The following SIK2 variants were observed in gnomAD, a reference collection of about 807,000 sequenced individuals.
The protein encoded by SIK2 is serine/threonine-protein kinase SIK2.
In SIK2, 29 loss-of-function variants were observed where a neutral mutation model predicts 103.2. The observed-to-expected ratio is 0.28, with a 90% CI of 0.21 to 0.38. The LOEUF (loss-of-function observed/expected upper bound fraction) is 0.38, where lower values mean the gene tolerates loss of function less well. SIK2 is among the 10% of genes least tolerant of loss of function. SIK2 has a pLI of 1.00. For synonymous variants in SIK2, 412 were observed against 446.1 expected (o/e 0.92, Z 0.96); for missense variants, 879 against 1,171.0 (o/e 0.75, Z 3.64).
At chr11:111,709,336 G>T (rs1943435500) in intron 8 of SIK2, among the ~76,000 whole-genome samples, 1 of 152,200 alleles carries the variant, frequency 6.6e-6, no homozygotes. Context: ...TCAAGGCCCT[G>T]TCTCCAGATA....
At chr11:111,652,488 A>G (rs1176411904) in intron 3 of SIK2, among the ~76,000 whole-genome samples, 2 of 152,132 alleles carry the variant, frequency 1.3e-5, no homozygotes, top group East Asian at 1.9e-4. Context: ...TACCACTCCA[A>G]TTTTGAGCAA....
chr11:111,726,933 A>AT lies in SIK2; in HGVS notation c.*2810dup, dbSNP rs756605426. 8 of 1,605,614 alleles carry AT rather than the reference A, an allele frequency of 5.0e-6. No individual in the cohort carries two copies. The highest frequency in any genetic ancestry group is 6.8e-6 in the Non-Finnish European group (8 of 1,172,638). On this transcript the variant is annotated 3_prime_UTR_variant, in exon 15 of 15. Coordinates refer to ENST00000304987, the MANE Select transcript of SIK2 (RefSeq NM_015191.3). ...AAAAGTGCAATATGTGTGGTACTTTATTTTTTATGTTCTTTTTTTAAATCT... is the reference window on the plus strand; with the variant it reads ...AAAAGTGCAATATGTGTGGTACTTTATTTTTTTATGTTCTTTTTTTAAATCT...
rs1307957206 is a variant in SIK2 at position 111,725,111 on chromosome 11, G to A, written c.*982G>A. ...TTTGGACAGTTTCATATAGGGCTTA[G>A]AGATTTTAAGGACATGATAAATGAA... On this transcript the variant is annotated 3_prime_UTR_variant, in exon 15 of 15. Transcript: ENST00000304987. The A allele has an allele frequency of 1.3e-5, 2 of 152,672 alleles. No individual in the cohort carries two copies. The highest frequency in any genetic ancestry group is 2.9e-5 in the Non-Finnish European group (2 of 68,046). 9.5% of individuals were successfully genotyped at this position (152,672 alleles called of 1,614,324 possible).
In SIK2 at chr11:111,701,393, A is replaced by G; in HGVS notation, c.604-59A>G. 1.3e-6 allele frequency: 2 copies of G among 1,572,956 alleles called. No individual in the cohort carries two copies. Among genetic ancestry groups the G allele is most frequent in the Non-Finnish European group, 1.7e-6 (2 of 1,154,486 alleles). Reference sequence around the variant, plus strand: ...TTCAAGAGCCCTGGGGATGTTCAGGAAAACAAAGAGTGTTTGACGTTCTTG... The same window carrying G: ...TTCAAGAGCCCTGGGGATGTTCAGGGAAACAAAGAGTGTTTGACGTTCTTG... On this transcript the variant is annotated intron_variant, in intron 5 of 14. Coordinates refer to ENST00000304987, the MANE Select transcript of SIK2 (RefSeq NM_015191.3). The surrounding 1 kb of genome is among the most constrained non-coding windows in gnomAD (Gnocchi z 4.2).
At chr11:111,660,340 G>A (rs1397918008) in intron 3 of SIK2, among the ~76,000 whole-genome samples, 2 of 152,146 alleles carry the variant, frequency 1.3e-5, no homozygotes, top group African/African-American at 4.8e-5. Context: ...CATATGCACC[G>A]TGTATAAGCT....
Position 111,602,582 on chromosome 11 carries a change from C to G in SIK2, c.19C>G (p.Pro7Ala), listed in dbSNP as rs1447291342. ...GCCCAGCATGGTCATGGCGGATGGC[C>G]CGAGGCACTTGCAGCGCGGGCCGGT... MVMADG[P>A]RHLQRGPVRV... The change falls in exon 1 of 15, where the codon CCG becomes GCG. Residue 7 changes from proline (P) to alanine (A), a missense_variant. Pro to Ala is a conservative substitution (Grantham distance 27). Around this residue, in one of 7 missense-constraint regions of SIK2, gnomAD observed 47 missense variants for 43.9 expected, o/e 1.07. Transcript: ENST00000304987. This position sits in a 1 kb window ranked among gnomAD's most constrained non-coding sequence, Gnocchi z 4.5. 1 of 1,530,256 alleles carries G rather than the reference C, an allele frequency of 6.5e-7. No homozygotes were observed. The highest frequency in any genetic ancestry group is 8.8e-7 in the Non-Finnish European group (1 of 1,138,818). 94.8% of individuals were successfully genotyped at this position (1,530,256 alleles called of 1,614,324 possible). A position where few individuals can be genotyped will look rare whatever the true frequency, so the allele number is the denominator to read the frequency against.
intron 1 of SIK2, among the ~76,000 whole-genome samples, chr11:111,608,624 CT>C (rs1248286963): frequency 2.0e-5 from 3 of 152,158 alleles, no homozygotes; most frequent in Non-Finnish European, 2.9e-5. Flanking sequence ...AGTTTGAAAA[CT>C]ATGTAAAGCA....
At chr11:111,603,643 T>C (rs1941613165) in intron 1 of SIK2, among the ~76,000 whole-genome samples, 1 of 151,926 alleles carries the variant, frequency 6.6e-6, no homozygotes, top group Non-Finnish European at 1.5e-5. Context: ...CTCCTCAGGG[T>C]CTCTATTTTA....
At chr11:111,709,960 G>A (rs907365628) in intron 8 of SIK2, among the ~76,000 whole-genome samples, 2 of 152,332 alleles carry the variant, frequency 1.3e-5, no homozygotes, top group African/African-American at 2.4e-5. Flanking sequence ...GCAGTGTGTC[G>A]TAGTTAGGGC....
At chr11:111,612,606 T>A (rs1941741896) in intron 1 of SIK2, among the ~76,000 whole-genome samples, 1 of 152,146 alleles carries the variant, frequency 6.6e-6, no homozygotes, top group Non-Finnish European at 1.5e-5. Context: ...AAATCACCCA[T>A]GAAGATCCCT....
In SIK2 at chr11:111,730,180, G is replaced by A. The variant is rs1417651085; in HGVS notation, c.*6051G>A. ...CAGAGGCAAAGTGGGTGGGTAGAGG[G>A]GAGCTTTAAAAATAGAAGTACAAAA... On this transcript the variant is annotated 3_prime_UTR_variant, in exon 15 of 15. Transcript: ENST00000304987. The A allele has an allele frequency of 6.6e-6, 1 of 152,212 alleles. No individual in the cohort carries two copies. The highest frequency in any genetic ancestry group is 2.4e-5 in the African/African-American group (1 of 41,454). 9.4% of individuals were successfully genotyped at this position (152,212 alleles called of 1,614,324 possible).
chr11:111,668,147 G>T (rs1479425300), intron 3 of SIK2, among the ~76,000 whole-genome samples: 1 of 150,630 alleles, frequency 6.6e-6, no homozygotes, highest in African/African-American at 2.4e-5. Flanking sequence ...TATGTAGGAA[G>T]CTCTTCTCAG....
At chr11:111,719,633 G>A (rs1565392820) in intron 9 of SIK2, 142 bp from the exon 10 acceptor site, 1 of 829,622 alleles carries the variant, frequency 1.2e-6, no homozygotes, top group Admixed American at 2.3e-5. Context: ...TAATCTATGT[G>A]TTGTCATGCA....
chr11:111,699,702 G>C (rs1446490934), intron 4 of SIK2, among the ~76,000 whole-genome samples: 1 of 152,204 alleles, frequency 6.6e-6, no homozygotes, highest in South Asian at 2.1e-4. Flanking sequence ...TGCCTAAGGT[G>C]CACATGTATG....
chr11:111,666,560 C>G (rs1015397624), intron 3 of SIK2, among the ~76,000 whole-genome samples: 1 of 152,198 alleles, frequency 6.6e-6, no homozygotes, highest in Non-Finnish European at 1.5e-5. Flanking sequence ...TTTACCACCT[C>G]TAATTTCAGT....
At chr11:111,685,141 A>G (rs55809735) in intron 3 of SIK2, among the ~76,000 whole-genome samples, 146 of 152,350 alleles carry the variant, frequency 9.6e-4, no homozygotes, top group Non-Finnish European at 1.8e-3. Context: ...CAGTGACCAA[A>G]TAAGTGGAGG....
At chr11:111,693,331 CA>C (rs1306377241) in intron 4 of SIK2, among the ~76,000 whole-genome samples, 132 of 93,612 alleles carry the variant, frequency 1.4e-3, no homozygotes, top group South Asian at 2.4e-3. Flanking sequence ...GACTCCGTCT[CA>C]AAAAAAAAAA....
chr11:111,671,327 G>T, intron 3 of SIK2: 1 of 237,390 alleles, frequency 4.2e-6, no homozygotes, highest in South Asian at 6.1e-5. Flanking sequence ...GCCCATTGCA[G>T]GGCGGCCTCC....
chr11:111,687,924 GA>G, intron 3 of SIK2, 76 bp from the exon 4 acceptor site: 4 of 1,542,704 alleles, frequency 2.6e-6, no homozygotes, highest in Non-Finnish European at 3.5e-6. Context: ...ACTTTTTGAG[GA>G]AAAAAATTTC....
Sources: allele counts gnomAD v4.1 joint callset (sites outside exome capture counted in the v4.1 genomes callset), GRCh38; gene constraint gnomAD v4.1.1; regional missense constraint gnomAD v4.1.1; non-coding constraint Gnocchi (gnomAD v3.1); transcripts MANE v1.5; gene names NCBI Gene and HGNC (gene_info 2026-07-23, HGNC 2026-07-21).